The following EWSR1 variants were observed in gnomAD, a reference collection of about 807,000 sequenced individuals.
The protein encoded by EWSR1 is RNA-binding protein EWS.
In EWSR1, 14 loss-of-function variants were observed where a neutral mutation model predicts 92.1. The ratio of observed to expected loss-of-function variants is 0.15; its 90% CI spans 0.10 to 0.24. EWSR1 has a LOEUF of 0.24. Among genes scored for constraint, EWSR1 ranks in the 10% least tolerant of loss-of-function variants. The pLI, the probability that EWSR1 is intolerant of heterozygous loss-of-function variation, is 1.00. For synonymous variants in EWSR1, 303 were observed against 292.9 expected, an observed-to-expected ratio of 1.03 and a Z score of -0.35; for missense variants, 637 against 870.9, an observed-to-expected ratio of 0.73 and a Z score of 3.38.
chr22:29,270,278 C>A (rs1174637769), intron 1 of EWSR1, among the ~76,000 whole-genome samples: 1 of 152,176 alleles, frequency 6.6e-6, no homozygotes, highest in African/African-American at 2.4e-5. Context: ...ATATCCAGTG[C>A]AACAAAGAAT....
At position 29,272,203 on chromosome 22, in the gene EWSR1, T is replaced by C. The variant is rs368813757; in HGVS notation, c.14-13T>C. 6.2e-6 allele frequency: 10 copies of C among 1,613,224 alleles called. No individual in the cohort carries two copies. Among genetic ancestry groups the C allele is most frequent in the Non-Finnish European group, 7.6e-6 (9 of 1,179,318 alleles). ...CTAACTTTACACTATTTTTCCTCCT[T>C]GTTTTCCTCTAGATTACAGTACCTA... On this transcript the variant is annotated splice_polypyrimidine_tract_variant and intron_variant, in intron 1 of 16. Transcript: ENST00000397938.
chr22:29,272,332 G>A, intron 2 of EWSR1, 48 bp from the exon 3 acceptor site: 1 of 1,607,722 alleles, frequency 6.2e-7, no homozygotes, highest in Non-Finnish European at 8.5e-7. Context: ...TGTAGAGGTG[G>A]TATTTGAATG....
At chr22:29,269,411 C>A (rs185411782) in intron 1 of EWSR1, 12 of 152,304 alleles carry the variant, frequency 7.9e-5, no homozygotes, top group Admixed American at 7.8e-4. Flanking sequence ...ATGGAAGGAG[C>A]GTTTAAGAGT....
intron 3 of EWSR1, among the ~76,000 whole-genome samples, chr22:29,273,298 C>T (rs1478572823): frequency 6.6e-6 from 1 of 152,058 alleles, no homozygotes; most frequent in African/African-American, 2.4e-5. Flanking sequence ...AGATTTTAGC[C>T]CTCTTCATTG....
intron 5 of EWSR1, among the ~76,000 whole-genome samples, chr22:29,281,232 G>A (rs890440845): frequency 3.3e-5 from 5 of 152,044 alleles, no homozygotes; most frequent in African/African-American, 1.2e-4. Context: ...CCAGGCTGGT[G>A]TCCAACTCCT....
At chr22:29,299,875 G>A (rs201124451) in intron 16 of EWSR1, 24 bp downstream of exon 16, 39 of 1,533,276 alleles carry the variant, frequency 2.5e-5, no homozygotes, top group Non-Finnish European at 3.1e-5. Flanking sequence ...AAAAGCAGCT[G>A]TGGGCCGCCA....
intron 13 of EWSR1, 112 bp from the exon 14 acceptor site, chr22:29,298,621 T>G: frequency 1.0e-5 from 13 of 1,294,592 alleles, no homozygotes; most frequent in South Asian, 2.4e-5. Context: ...GGACAGGTGA[T>G]GGGGAAATGA....
At chr22:29,272,507 C>A in intron 3 of EWSR1, 76 bp downstream of exon 3, 7 of 1,426,942 alleles carry the variant, frequency 4.9e-6, no homozygotes, top group Non-Finnish European at 6.9e-6. Flanking sequence ...TTTCAGTTAT[C>A]CAGTAAAACA....
intron 11 of EWSR1, among the ~76,000 whole-genome samples, chr22:29,293,092 C>G (rs957273825): frequency 3.3e-5 from 5 of 152,134 alleles, no homozygotes; most frequent in African/African-American, 1.2e-4. Flanking sequence ...TGCTCAATCT[C>G]AGCCTCCCAG....
At chr22:29,283,493 T>C (rs2059778307) in intron 6 of EWSR1, among the ~76,000 whole-genome samples, 1 of 150,888 alleles carries the variant, frequency 6.6e-6, no homozygotes, top group Non-Finnish European at 1.5e-5. Flanking sequence ...GGACTGCAAG[T>C]GCATGCCACC....
At chr22:29,268,750 C>T (rs1242854345) in intron 1 of EWSR1, among the ~76,000 whole-genome samples, 2 of 152,266 alleles carry the variant, frequency 1.3e-5, no homozygotes, top group African/African-American at 4.8e-5. Context: ...GGCCCGCAGG[C>T]TGCTGTCCCT....
intron 4 of EWSR1, among the ~76,000 whole-genome samples, chr22:29,274,960 G>A (rs987483124): frequency 1.3e-5 from 2 of 152,144 alleles, no homozygotes; most frequent in African/African-American, 4.8e-5. Flanking sequence ...TTTTCAAACT[G>A]TCTTTAGTTC....
chr22:29,295,913 A>C (rs754468405), intron 11 of EWSR1: 68 of 297,474 alleles, frequency 2.3e-4, no homozygotes, highest in Non-Finnish European at 3.6e-4. Flanking sequence ...AAGTCTGACT[A>C]CCCCTACGAG....
intron 11 of EWSR1, chr22:29,295,911 C>G (rs1038531596): frequency 3.4e-6 from 1 of 295,586 alleles, no homozygotes; most frequent in Non-Finnish European, 6.5e-6. Context: ...CAAAGTCTGA[C>G]TACCCCTACG....
At chr22:29,298,434 G>A (rs2061043320) in intron 13 of EWSR1, among the ~76,000 whole-genome samples, 1 of 152,014 alleles carries the variant, frequency 6.6e-6, no homozygotes, top group African/African-American at 2.4e-5. Context: ...TGAATCTGGG[G>A]GGGTGGAGGT....
At chr22:29,291,288 T>G (rs2060423454) in intron 8 of EWSR1, 1 of 391,414 alleles carries the variant, frequency 2.6e-6, no homozygotes, top group Non-Finnish European at 4.5e-6. Flanking sequence ...GATCTATTTT[T>G]TCTTGCTAAT....
At chr22:29,298,961 A>G in intron 14 of EWSR1, 66 bp downstream of exon 14, 1 of 1,470,738 alleles carries the variant, frequency 6.8e-7, no homozygotes, top group Non-Finnish European at 9.1e-7. Context: ...CCCCATCCCC[A>G]CTCTAGAGTG....
At chr22:29,296,640 AG>A (rs1302220834) in intron 12 of EWSR1, among the ~76,000 whole-genome samples, 1 of 152,244 alleles carries the variant, frequency 6.6e-6, no homozygotes. Flanking sequence ...ACCCTTCAAA[AG>A]AACATCTTAG....
At position 29,284,724 on chromosome 22, in the gene EWSR1, C is replaced by G. The variant is rs2059889126; in HGVS notation, c.581+2167C>G. On this transcript the variant is annotated intron_variant, in intron 6 of 16. Coordinates refer to ENST00000397938, the MANE Select transcript of EWSR1 (RefSeq NM_005243.4). ...CCCCCTGTAGCCTCGAACTTCCTGGCCTAGTTTAATCGGACTTTAAAATAT... is the reference window on the plus strand; with the variant it reads ...CCCCCTGTAGCCTCGAACTTCCTGGGCTAGTTTAATCGGACTTTAAAATAT... 1.3e-5 allele frequency among the ~76,000 whole-genome samples: 2 copies of G among 151,208 alleles called. 1 individual carries two copies. Among genetic ancestry groups the G allele is most frequent in the African/African-American group, 4.9e-5 (2 of 40,528 alleles).
Sources: gnomAD v4.1 joint callset for allele counts (sites outside exome capture counted in the v4.1 genomes callset) on GRCh38, gnomAD v4.1.1 for gene constraint, MANE v1.5 for transcripts, NCBI Gene and HGNC (gene_info 2026-07-23, HGNC 2026-07-21) for gene names.